The following TUBB8 variants were observed in gnomAD, a reference collection of about 807,000 sequenced individuals.
The protein encoded by TUBB8 is tubulin beta 8 class VIII.
TUBB8 carries 25 observed loss-of-function variants against 33.7 expected under a neutral mutation model. The observed-to-expected ratio is 0.74, with a 90% CI of 0.54 to 1.04. The LOEUF (loss-of-function observed/expected upper bound fraction) is 1.04. Among genes scored for constraint, TUBB8 ranks in the 50% least tolerant of loss-of-function variants. The probability of loss-of-function intolerance (pLI) is 0.00; values close to 1 mark genes in which losing one functional copy is unlikely to be tolerated. For synonymous variants in TUBB8, 245 were observed against 240.1 expected, an observed-to-expected ratio of 1.02 and a Z score of -0.19; for missense variants, 279 against 608.0, an observed-to-expected ratio of 0.46 and a Z score of 5.69.
chr10:49,360 C>G (rs1167536686), upstream of TUBB8: 66 of 985,784 alleles, frequency 6.7e-5, no homozygotes, highest in Non-Finnish European at 8.7e-5. Context: ...GCCTCGGATT[C>G]GGCTCCCAGA....
intron 1 of TUBB8, among the ~76,000 whole-genome samples, chr10:65,109 C>T (rs1201204588): frequency 1.2e-4 from 18 of 152,182 alleles, no homozygotes; most frequent in Non-Finnish European, 2.2e-4. Context: ...GACTGTGCCA[C>T]TGCACTCCTC....
At position 47,844 on chromosome 10, in the gene TUBB8, T is replaced by A; in HGVS notation, c.548A>T (p.Tyr183Phe). 1 of 1,614,210 alleles carries A rather than the reference T, an allele frequency of 6.2e-7. No individual in the cohort carries two copies. ...CTGGTGGACTGAGAGGGTGGCGTTG[T>A]AGGGCTCCACCACGGTGTCCGACAC... ...PKVSDTVVEPYNATLSVHQLI... is the reference protein window; with the variant it reads ...PKVSDTVVEPFNATLSVHQLI... Residue 183 changes from tyrosine (Y) to phenylalanine (F), a missense_variant, in exon 4 of 4, where the codon TAC (tyrosine) becomes TTC (phenylalanine). Physicochemically the swap from Tyr to Phe is conservative, Grantham distance 22 (BLOSUM62 3). Transcript: ENST00000568584.
rs782499869 is a variant in TUBB8 at position 48,933 on chromosome 10, C to T, written c.58-21G>A. The T allele has an allele frequency of 1.3e-4, 187 of 1,424,332 alleles. 6 individuals are homozygous for T. The South Asian group carries it at 1.6e-3, about 12-fold the overall frequency. 88.2% of individuals were successfully genotyped at this position (1,424,332 alleles called of 1,614,324 possible). On this transcript the variant is annotated intron_variant, in intron 1 of 3. Coordinates refer to ENST00000568584, the MANE Select transcript of TUBB8 (RefSeq NM_177987.3). ...CAGAACTGCAAGAGACGGGAGGAGA[C>T]AGACAGGCCGGGGCTGAGTCAGGGA...
At chr10:68,985 C>T (rs557146462) in intron 1 of TUBB8, among the ~76,000 whole-genome samples, 2 of 152,356 alleles carry the variant, frequency 1.3e-5, no homozygotes, top group African/African-American at 2.4e-5. Flanking sequence ...GCAGACCCTG[C>T]GTTCCCAGGG....
At chr10:65,129 C>A (rs1341695695) in intron 1 of TUBB8, among the ~76,000 whole-genome samples, 1 of 152,202 alleles carries the variant, frequency 6.6e-6, no homozygotes, top group Admixed American at 6.5e-5. Context: ...CCCTGGGCAA[C>A]AGAGCAAGAA....
chr10:68,766 T>C (rs1834702778), intron 1 of TUBB8, among the ~76,000 whole-genome samples: 1 of 152,134 alleles, frequency 6.6e-6, no homozygotes, highest in Admixed American at 6.5e-5. Context: ...ACCACGTAAC[T>C]CCCAAATCAG....
At chr10:48,778 C>T (rs1250623817) in intron 2 of TUBB8, 26 bp downstream of exon 2, 21 of 1,598,718 alleles carry the variant, frequency 1.3e-5, no homozygotes, top group East Asian at 8.9e-5. Context: ...CCCAGGAGGG[C>T]GGTGGGGGAA....
chr10:47,108 G>A lies in TUBB8; in HGVS notation c.1284C>T (p.Ala428=), dbSNP rs1834346005. The A allele has an allele frequency of 6.8e-7, 1 of 1,480,698 alleles. No individual in the cohort carries two copies. The highest frequency in any genetic ancestry group is 1.4e-5 in the African/African-American group (1 of 69,866). 91.7% of individuals were successfully genotyped at this position (1,480,698 alleles called of 1,614,324 possible). A position where few individuals can be genotyped will look rare whatever the true frequency, so the allele number is the denominator to read the frequency against. Reference sequence around the variant, plus strand: ...CCTCATCCTCCTCCTCCTCGGCCGTGGCATCCTGATATTGCTGATATTCAG... The same window carrying A: ...CCTCATCCTCCTCCTCCTCGGCCGTAGCATCCTGATATTGCTGATATTCAG... ...LVSEYQQYQD[A]TAEEEEDEEY... is the part of the protein sequence containing the mutation. The change falls in exon 4 of 4, where the codon GCC becomes GCT. Residue 428 remains alanine (A), a synonymous_variant. Coordinates refer to ENST00000568584, the MANE Select transcript of TUBB8 (RefSeq NM_177987.3).
At chr10:64,265 A>C (rs1834638618) in intron 1 of TUBB8, among the ~76,000 whole-genome samples, 1 of 148,746 alleles carries the variant, frequency 6.7e-6, no homozygotes, top group Non-Finnish European at 1.5e-5. Context: ...ATATAAGTTT[A>C]TTCAAAGCCC....
At chr10:56,487 C>G (rs1317711898) in intron 1 of TUBB8, among the ~76,000 whole-genome samples, 3 of 152,260 alleles carry the variant, frequency 2.0e-5, no homozygotes, top group Non-Finnish European at 4.4e-5. Flanking sequence ...AAGCACAGCA[C>G]TGGCTTCTGC....
At chr10:50,635 G>A (rs1320087945), upstream of TUBB8, among the ~76,000 whole-genome samples, 2 of 152,134 alleles carry the variant, frequency 1.3e-5, no homozygotes, top group African/African-American at 4.8e-5. Flanking sequence ...AAAGCCCTTG[G>A]GGGTCAGGAG....
upstream of TUBB8, chr10:49,305 C>A (rs1304053481): frequency 1.0e-5 from 15 of 1,506,628 alleles, no homozygotes; most frequent in Non-Finnish European, 1.4e-5. Flanking sequence ...GCGACCCAGC[C>A]CGCCCTCCGC....
upstream of TUBB8, among the ~76,000 whole-genome samples, chr10:75,247 G>C (rs1288651133): frequency 3.3e-5 from 5 of 152,154 alleles, no homozygotes; most frequent in East Asian, 9.7e-4. Context: ...TACTTGGGAG[G>C]CTGAGGCCGG....
chr10:49,071 C>G (rs1834423493), intron 1 of TUBB8, 111 bp downstream of exon 1: 2 of 1,366,628 alleles, frequency 1.5e-6, no homozygotes, highest in Non-Finnish European at 2.0e-6. Flanking sequence ...CCACCGTCCC[C>G]GGCAGGGAGC....
intron 1 of TUBB8, among the ~76,000 whole-genome samples, chr10:67,569 C>T (rs535195550): frequency 6.8e-4 from 103 of 152,204 alleles, no homozygotes; most frequent in African/African-American, 2.3e-3. Flanking sequence ...GGATTACATG[C>T]GCATGCCACG....
intron 1 of TUBB8, among the ~76,000 whole-genome samples, chr10:60,437 A>C (rs1486356694): frequency 1.3e-5 from 2 of 152,228 alleles, no homozygotes; most frequent in African/African-American, 4.8e-5. Context: ...GACACTTCTC[A>C]AAAGAAGACA....
At chr10:73,117 A>T (rs1834759649) in intron 1 of TUBB8, among the ~76,000 whole-genome samples, 3 of 152,372 alleles carry the variant, frequency 2.0e-5, no homozygotes, top group African/African-American at 7.2e-5. Context: ...TTACAAATAC[A>T]CTGCAAATTA....
At chr10:61,633 T>G (rs1158766165) in intron 1 of TUBB8, among the ~76,000 whole-genome samples, 91 of 80,810 alleles carry the variant, frequency 1.1e-3, no homozygotes, top group African/African-American at 6.1e-3. Flanking sequence ...ACAGTGCAGA[T>G]TAAGTCTGAT....
At chr10:74,866 A>ATT (rs573408150), upstream of TUBB8, among the ~76,000 whole-genome samples, 137 of 115,792 alleles carry the variant, frequency 1.2e-3, no homozygotes, top group South Asian at 3.2e-3. Context: ...GTCTGTGCCA[A>ATT]TTTTTTTTTT....
Sources: allele counts gnomAD v4.1 joint callset (sites outside exome capture counted in the v4.1 genomes callset), GRCh38; gene constraint gnomAD v4.1.1; transcripts MANE v1.5; gene names NCBI Gene and HGNC (gene_info 2026-07-23, HGNC 2026-07-21).